Variants in SLC2A5 observed in about 807,000 individuals in gnomAD.
SLC2A5 encodes solute carrier family 2 member 5, also known as solute carrier family 2, facilitated glucose transporter member 5.
A neutral mutation model predicts 50.3 loss-of-function variants in SLC2A5; 56 were observed. The ratio of observed to expected loss-of-function variants is 1.11; its 90% CI spans 0.90 to 1.39. SLC2A5 has a LOEUF of 1.39. Ranked by LOEUF, SLC2A5 falls within the 40% of genes most tolerant of loss-of-function variation. SLC2A5 has a pLI of 0.00. For synonymous variants in SLC2A5, 269 were observed against 281.9 expected (o/e 0.95, Z 0.46); for missense variants, 566 against 650.1 (o/e 0.87, Z 1.41).
chr1:9,079,675 C>T (rs1485607813), intron 2 of SLC2A5, among the ~76,000 whole-genome samples: 1 of 151,944 alleles, frequency 6.6e-6, no homozygotes, highest in Non-Finnish European at 1.5e-5. Flanking sequence ...TTAGTAGAGA[C>T]GGGGTTTCAC....
chr1:9,056,427 C>T (rs1049874989), intron 3 of SLC2A5, among the ~76,000 whole-genome samples: 6 of 152,034 alleles, frequency 3.9e-5, no homozygotes, highest in Non-Finnish European at 7.4e-5. Flanking sequence ...TCAGGTGATC[C>T]GCCCGCCTCT....
chr1:9,076,599 T>G (rs975590727), intron 2 of SLC2A5, among the ~76,000 whole-genome samples: 2 of 152,134 alleles, frequency 1.3e-5, no homozygotes, highest in Non-Finnish European at 2.9e-5. Context: ...ATATTTGGCT[T>G]GCTTGATTGA....
intron 2 of SLC2A5, among the ~76,000 whole-genome samples, chr1:9,077,159 G>T (rs1348702785): frequency 2.0e-5 from 3 of 150,894 alleles, no homozygotes; most frequent in African/African-American, 7.3e-5. Flanking sequence ...CAGCACTTTG[G>T]GAGGCTGAGG....
At position 9,040,005 on chromosome 1, in the gene SLC2A5, C is replaced by T. The variant is rs1006768820; in HGVS notation, c.698-18G>A. On this transcript the variant is annotated intron_variant, in intron 6 of 11. Coordinates refer to ENST00000377424, the MANE Select transcript of SLC2A5 (RefSeq NM_003039.3). This position sits in a 1 kb window ranked among gnomAD's most constrained non-coding sequence, Gnocchi z 4.3. ...CTGTAGGGCTGGGGAGAAGCGGCAC[C>T]GTCGGACCAGGGCTGGGGAGCAGAA... The T allele has an allele frequency of 1.9e-6, 3 of 1,598,788 alleles. No homozygotes were observed. The highest frequency in any genetic ancestry group is 1.1e-5 in the South Asian group (1 of 90,050).
intron 4 of SLC2A5, among the ~76,000 whole-genome samples, chr1:9,042,657 T>G (rs1278798916): frequency 5.5e-5 from 8 of 146,240 alleles, no homozygotes; most frequent in Non-Finnish European, 7.5e-5. Flanking sequence ...GTGGCCTGGG[T>G]GTGTGTGTGT....
chr1:9,059,225 C>A (rs989837255), intron 1 of SLC2A5, among the ~76,000 whole-genome samples: 1 of 144,228 alleles, frequency 6.9e-6, no homozygotes, highest in African/African-American at 2.6e-5. Context: ...TCACTGCAAG[C>A]TCCGCCTCCT....
At chr1:9,046,668 G>A (rs1433814548) in intron 4 of SLC2A5, among the ~76,000 whole-genome samples, 3 of 21,952 alleles carry the variant, frequency 1.4e-4, no homozygotes, top group African/African-American at 2.9e-4. Context: ...TGGTTCTCGT[G>A]TGTGTGTGTG....
At chr1:9,075,694 C>G (rs955147857) in intron 2 of SLC2A5, among the ~76,000 whole-genome samples, 6 of 152,036 alleles carry the variant, frequency 3.9e-5, no homozygotes, top group South Asian at 2.1e-4. Flanking sequence ...AAGTCTCACT[C>G]TTGTCCCCCA....
chr1:9,064,208 G>T (rs1202216604), intron 1 of SLC2A5, among the ~76,000 whole-genome samples: 1 of 152,110 alleles, frequency 6.6e-6, no homozygotes, highest in Non-Finnish European at 1.5e-5. Context: ...CATTTTAAAA[G>T]GCACATAGTA....
At chr1:9,092,877 C>T (rs1324053564), upstream of SLC2A5, among the ~76,000 whole-genome samples, 2 of 152,188 alleles carry the variant, frequency 1.3e-5, no homozygotes, top group African/African-American at 4.8e-5. Context: ...TTTTAAAAAA[C>T]ACCCTCACCA....
At chr1:9,037,874 C>T (rs373462534) in intron 11 of SLC2A5, 23 bp downstream of exon 11, 27 of 1,613,432 alleles carry the variant, frequency 1.7e-5, no homozygotes, top group Middle Eastern at 1.6e-4. Flanking sequence ...TGGTGGTGAG[C>T]GTGGGCCCCG....
At chr1:9,080,419 C>T (rs1262339264) in intron 2 of SLC2A5, among the ~76,000 whole-genome samples, 1 of 152,170 alleles carries the variant, frequency 6.6e-6, no homozygotes, top group East Asian at 1.9e-4. Context: ...CGCCATTTTA[C>T]GTTCTCACCA....
chr1:9,074,915 T>C (rs1642263290), intron 2 of SLC2A5, among the ~76,000 whole-genome samples: 1 of 151,776 alleles, frequency 6.6e-6, no homozygotes, highest in South Asian at 2.1e-4. Flanking sequence ...CCCAGCTACT[T>C]GAGAGGCTGA....
In SLC2A5 at chr1:9,040,124, A is replaced by G. The variant is rs780434794; in HGVS notation, c.637T>C (p.Phe213Leu). The G allele has an allele frequency of 5.6e-6, 9 of 1,597,320 alleles. No homozygotes were observed. The highest frequency in any genetic ancestry group is 1.1e-5 in the South Asian group (1 of 89,014). ...AGCAGGTACCTGGGGCTCTCGGGGA[A>G]GAAGGGCAGCAGAAGGAGCTGCAGC... ...AALQLLLLPFFPESPRYLLIQ... is the reference protein window; with the variant it reads ...AALQLLLLPFLPESPRYLLIQ... Residue 213 changes from phenylalanine to leucine, a missense_variant, in exon 6 of 12, where the codon TTC becomes CTC. Transcript: ENST00000377424. The surrounding 1 kb of genome is among the most constrained non-coding windows in gnomAD (Gnocchi z 4.3).
rs185108930 is a variant in SLC2A5, at chr1:9,037,384, A to G, written c.*202T>C. ...GACTCGGGTCTGGTGACAGGCCAAC[A>G]TGGAGAGAGACAGCCCAGCTTCAAG... On this transcript the variant is annotated 3_prime_UTR_variant, in exon 12 of 12. Coordinates refer to ENST00000377424, the MANE Select transcript of SLC2A5 (RefSeq NM_003039.3). 2.2e-4 allele frequency: 123 copies of G among 566,504 alleles called. No individual in the cohort carries two copies. Among genetic ancestry groups the G allele is most frequent in the Middle Eastern group, 4.8e-4 (1 of 2,082 alleles). The allele number at this position is 566,504 out of a possible 1,614,324, so 35.1% of individuals were successfully genotyped here.
chr1:9,044,010 C>G (rs796239024), intron 4 of SLC2A5, among the ~76,000 whole-genome samples: 1 of 151,708 alleles, frequency 6.6e-6, no homozygotes, highest in African/African-American at 2.4e-5. Flanking sequence ...GCATGAGCCA[C>G]CGTGCCTGGC....
intron 2 of SLC2A5, among the ~76,000 whole-genome samples, chr1:9,077,467 G>A (rs1288011786): frequency 1.4e-5 from 2 of 145,434 alleles, no homozygotes; most frequent in South Asian, 2.2e-4. Context: ...AAGTCTGGAC[G>A]CAGTGGCTCA....
upstream of SLC2A5, among the ~76,000 whole-genome samples, chr1:9,073,672 G>C (rs796167929): frequency 2.3e-4 from 35 of 152,348 alleles, no homozygotes; most frequent in African/African-American, 7.9e-4. Context: ...AAATCTGTTA[G>C]GACAGAAAAC....
At chr1:9,045,966 C>T (rs1250164817) in intron 4 of SLC2A5, among the ~76,000 whole-genome samples, 1 of 151,968 alleles carries the variant, frequency 6.6e-6, no homozygotes, top group Non-Finnish European at 1.5e-5. Flanking sequence ...GCTCACCATC[C>T]TCCCTTTGGC....
Sources: allele counts gnomAD v4.1 joint callset (sites outside exome capture counted in the v4.1 genomes callset), GRCh38; gene constraint gnomAD v4.1.1; non-coding constraint Gnocchi (gnomAD v3.1); transcripts MANE v1.5; gene names NCBI Gene and HGNC (gene_info 2026-07-23, HGNC 2026-07-21).